Variants in FAM81A observed in about 807,000 individuals in gnomAD.
The protein encoded by FAM81A is family with sequence similarity 81 member A.
In FAM81A, 19 loss-of-function variants were observed where a neutral mutation model predicts 46.7. That is an observed-to-expected ratio of 0.41 (90% confidence interval 0.28 to 0.60). FAM81A has a LOEUF of 0.60. FAM81A is among the 20% of genes least tolerant of loss of function. The pLI, the probability that FAM81A is intolerant of heterozygous loss-of-function variation, is 0.34. For synonymous variants in FAM81A, 183 were observed against 152.9 expected (o/e 1.20, Z -1.45); for missense variants, 377 against 453.5 (o/e 0.83, Z 1.53).
intron 6 of FAM81A, among the ~76,000 whole-genome samples, chr15:59,512,240 AGGC>A: frequency 6.6e-6 from 1 of 152,146 alleles, no homozygotes; most frequent in Admixed American, 6.5e-5. Context: ...GCACTGTGGG[AGGC>A]CAAGGCAGGC....
intron 2 of FAM81A, among the ~76,000 whole-genome samples, chr15:59,432,009 T>C (rs2081222647): frequency 6.6e-6 from 1 of 152,236 alleles, no homozygotes; most frequent in Non-Finnish European, 1.5e-5. Flanking sequence ...TTTATCTCTT[T>C]AAAAACAACT....
At chr15:59,406,813 A>G (rs2081096772) in intron 2 of FAM81A, 1 of 151,986 alleles carries the variant, frequency 6.6e-6, no homozygotes, top group Non-Finnish European at 1.5e-5. Context: ...CATTCAGTTC[A>G]GAGGTGTGCA....
At chr15:59,495,879 T>C (rs1451265876) in intron 4 of FAM81A, among the ~76,000 whole-genome samples, 2 of 152,234 alleles carry the variant, frequency 1.3e-5, no homozygotes, top group East Asian at 3.8e-4. Flanking sequence ...CTTTCTATTA[T>C]TGAGCTGTAG....
At chr15:59,486,305 GAATT>G (rs1163872874) in intron 3 of FAM81A, among the ~76,000 whole-genome samples, 3 of 152,060 alleles carry the variant, frequency 2.0e-5, no homozygotes, top group African/African-American at 4.8e-5. Flanking sequence ...ACAGAAGAAA[GAATT>G]AATGAGCTTG....
upstream of FAM81A, among the ~76,000 whole-genome samples, chr15:59,433,404 GT>G (rs2081229651): frequency 6.6e-6 from 1 of 152,050 alleles, no homozygotes; most frequent in Non-Finnish European, 1.5e-5. Context: ...AATTATCTAA[GT>G]TAAGACGTAA....
intron 3 of FAM81A, among the ~76,000 whole-genome samples, chr15:59,480,299 C>G (rs762788727): frequency 6.6e-6 from 1 of 152,144 alleles, no homozygotes; most frequent in Non-Finnish European, 1.5e-5. Context: ...CCTTCCCAAT[C>G]TAGGAAGAGT....
At chr15:59,507,111 C>G in intron 4 of FAM81A, 102 bp from the exon 5 acceptor site, 1 of 1,392,092 alleles carries the variant, frequency 7.2e-7, no homozygotes, top group African/African-American at 1.4e-5. Context: ...ATGGATAGTG[C>G]ACTTTCTTTG....
At chr15:59,518,998 A>G (rs1346616312) in intron 8 of FAM81A, among the ~76,000 whole-genome samples, 2 of 149,778 alleles carry the variant, frequency 1.3e-5, no homozygotes, top group Admixed American at 6.7e-5. Flanking sequence ...CTGAAAATGT[A>G]CTCTTTTAGC....
At chr15:59,459,782 G>A (rs2081528617) in intron 2 of FAM81A, 151 bp from the exon 3 acceptor site, 2 of 1,166,736 alleles carry the variant, frequency 1.7e-6, no homozygotes, top group South Asian at 3.5e-5. Context: ...GGCTTGTGAA[G>A]AAAACTTTTT....
intron 7 of FAM81A, 113 bp from the exon 8 acceptor site, chr15:59,516,532 C>T: frequency 1.0e-6 from 1 of 1,003,550 alleles, no homozygotes; most frequent in Non-Finnish European, 1.5e-6. Context: ...CAACAAGCAG[C>T]TGTTGCAAAT....
intron 3 of FAM81A, among the ~76,000 whole-genome samples, chr15:59,470,910 C>T (rs1467214154): frequency 6.6e-6 from 1 of 152,082 alleles, no homozygotes; most frequent in Non-Finnish European, 1.5e-5. Context: ...GCAGCCTCAA[C>T]CTCCTGGGCT....
intron 3 of FAM81A, among the ~76,000 whole-genome samples, chr15:59,462,181 C>A (rs540484800): frequency 1.4e-5 from 2 of 142,916 alleles, no homozygotes; most frequent in East Asian, 4.0e-4. Flanking sequence ...CCAGCCTGGG[C>A]GACAGAGCGA....
intron 2 of FAM81A, among the ~76,000 whole-genome samples, chr15:59,432,132 C>T (rs1596467808): frequency 1.3e-5 from 2 of 152,262 alleles, no homozygotes; most frequent in East Asian, 3.9e-4. Flanking sequence ...CACTGCATCA[C>T]TCTATATGCC....
intron 1 of FAM81A, among the ~76,000 whole-genome samples, chr15:59,440,667 T>C (rs8023645): frequency 0.17 from 26,404 of 152,048 alleles, 2,374 homozygotes; most frequent in Middle Eastern, 0.24. Flanking sequence ...TTCAGCCTAC[T>C]TAGCTGATAC....
chr15:59,450,103 C>CTTTT (rs56862038), intron 1 of FAM81A, among the ~76,000 whole-genome samples: 2,061 of 126,242 alleles, frequency 0.016, 66 homozygotes, highest in African/African-American at 0.049. Context: ...TTCTTTCTTT[C>CTTTT]TTTTTTTTTT....
chr15:59,443,136 G>A (rs923571677), intron 1 of FAM81A, among the ~76,000 whole-genome samples: 12 of 152,170 alleles, frequency 7.9e-5, no homozygotes, highest in African/African-American at 1.4e-4. Context: ...AGGGCGGAAC[G>A]CAATGGCACA....
intron 4 of FAM81A, among the ~76,000 whole-genome samples, chr15:59,506,366 G>A (rs1227296294): frequency 1.3e-5 from 2 of 152,074 alleles, no homozygotes; most frequent in African/African-American, 2.4e-5. Context: ...CATGGTGGGA[G>A]TCTGTGCTCT....
intron 3 of FAM81A, among the ~76,000 whole-genome samples, chr15:59,475,844 TG>T (rs1293340833): frequency 2.0e-5 from 3 of 152,260 alleles, no homozygotes; most frequent in Non-Finnish European, 2.9e-5. Context: ...CATGTTAGGA[TG>T]CTTGATGACA....
chr15:59,460,230 G>A lies in FAM81A; in HGVS notation c.294+24G>A, dbSNP rs1426421418. On this transcript the variant is annotated intron_variant, in intron 3 of 8. Transcript: ENST00000288228. The surrounding 1 kb of genome is among the most constrained non-coding windows in gnomAD (Gnocchi z 4.4). ...AGGTAAGGTTTGTGAAAGTCAGGTGGCCTATGTCCCTTTCCACAGAATTGC... is the reference window on the plus strand; with the variant it reads ...AGGTAAGGTTTGTGAAAGTCAGGTGACCTATGTCCCTTTCCACAGAATTGC... 1 of 1,613,910 alleles carries A rather than the reference G, an allele frequency of 6.2e-7. No individual in the cohort carries two copies. The highest frequency in any genetic ancestry group is 8.5e-7 in the Non-Finnish European group (1 of 1,179,894).
Sources: gnomAD v4.1 joint callset for allele counts (sites outside exome capture counted in the v4.1 genomes callset) on GRCh38, gnomAD v4.1.1 for gene constraint, Gnocchi (gnomAD v3.1) non-coding constraint, MANE v1.5 for transcripts, NCBI Gene and HGNC (gene_info 2026-07-23, HGNC 2026-07-21) for gene names.